Variants in DSCAML1 observed in about 807,000 individuals in gnomAD.
DSCAML1 encodes the protein DS cell adhesion molecule like 1.
In DSCAML1, 38 loss-of-function variants were observed where a neutral mutation model predicts 200.5. The observed-to-expected ratio is 0.19, with a 90% CI of 0.15 to 0.25. The LOEUF (loss-of-function observed/expected upper bound fraction) is 0.25. Among genes scored for constraint, DSCAML1 ranks in the 10% least tolerant of loss-of-function variants. The pLI, the probability that DSCAML1 is intolerant of heterozygous loss-of-function variation, is 1.00. For missense variants in DSCAML1, 2,223 were observed against 2,858.8 expected, an observed-to-expected ratio of 0.78 and a Z score of 5.07; for synonymous variants, 1,215 against 1,165.0, an observed-to-expected ratio of 1.04 and a Z score of -0.87.
At chr11:117,813,983 C>G (rs2055781619) in intron 1 of DSCAML1, among the ~76,000 whole-genome samples, 1 of 152,212 alleles carries the variant, frequency 6.6e-6, no homozygotes, top group Admixed American at 6.5e-5. Context: ...ACTGAAGAAT[C>G]ACAAAAGAAG....
chr11:117,615,604 C>T (rs539429154), intron 3 of DSCAML1, among the ~76,000 whole-genome samples: 8 of 152,150 alleles, frequency 5.3e-5, no homozygotes, highest in Admixed American at 2.6e-4. Context: ...TGGTGGTCGC[C>T]AGCTGTTCCT....
At chr11:117,796,935 C>A in intron 1 of DSCAML1, 99 bp downstream of exon 1, 1 of 936,446 alleles carries the variant, frequency 1.1e-6, no homozygotes, top group African/African-American at 1.8e-5. Context: ...CGGTCGGTTC[C>A]CCCACGCACC....
intron 5 of DSCAML1, among the ~76,000 whole-genome samples, chr11:117,524,436 C>T (rs527250704): frequency 1.8e-4 from 27 of 152,344 alleles, no homozygotes; most frequent in Admixed American, 1.4e-3. Context: ...CCTACAAGCC[C>T]GGAAGCCCTG....
chr11:117,561,976 A>T, intron 3 of DSCAML1, among the ~76,000 whole-genome samples: 1 of 152,242 alleles, frequency 6.6e-6, no homozygotes, highest in South Asian at 2.1e-4. Context: ...ATGAGCATAG[A>T]AGTCCAGGAG....
chr11:117,506,436 A>G (rs908860103), intron 8 of DSCAML1, among the ~76,000 whole-genome samples: 4 of 151,920 alleles, frequency 2.6e-5, no homozygotes, highest in African/African-American at 7.3e-5. Context: ...AGATATGACC[A>G]TGGGATTTGA....
intron 3 of DSCAML1, among the ~76,000 whole-genome samples, chr11:117,630,190 G>A (rs954459337): frequency 1.3e-5 from 2 of 150,160 alleles, no homozygotes; most frequent in African/African-American, 4.9e-5. Context: ...CCATTCCAGT[G>A]CCCCTTCTTC....
chr11:117,500,048 CT>C (rs2049367197), intron 11 of DSCAML1, among the ~76,000 whole-genome samples: 1 of 152,250 alleles, frequency 6.6e-6, no homozygotes, highest in African/African-American at 2.4e-5. Context: ...GCCAGACACC[CT>C]GAGTTTCCTC....
In DSCAML1 at chr11:117,428,244, AT is replaced by A; in HGVS notation, c.*83del. 1 of 814,372 alleles carries A rather than the reference AT, an allele frequency of 1.2e-6. No individual in the cohort carries two copies. Among genetic ancestry groups the A allele is most frequent in the Non-Finnish European group, 2.0e-6 (1 of 488,406 alleles). The allele number at this position is 814,372 out of a possible 1,614,324, so 50.4% of individuals were successfully genotyped here. Reference sequence around the variant, plus strand: ...GTTGGTTTTTGTCTGTCAGTTGAATATAAATAATGCAGAAAAACAGCCGAGC... The same window carrying A: ...GTTGGTTTTTGTCTGTCAGTTGAATAAAATAATGCAGAAAAACAGCCGAGC... On this transcript the variant is annotated 3_prime_UTR_variant, in exon 33 of 33. Transcript: ENST00000651296.
At position 117,521,058 on chromosome 11, in the gene DSCAML1, A is replaced by C. The variant is rs565865047; in HGVS notation, c.1213+72T>G. ...TTTAATGCCTCCTGGCATTGCTCCC[A>C]CCTCAGCAGAAGGGAGGGAATGAGC... is the stretch of plus-strand genomic sequence containing the variant. On this transcript the variant is annotated intron_variant, in intron 6 of 32. Transcript: ENST00000651296. The C allele has an allele frequency of 5.8e-6, 9 of 1,564,712 alleles. No individual in the cohort carries two copies. The African/African-American group carries it at 1.2e-4, about 21-fold the overall frequency.
At position 117,518,597 on chromosome 11, in the gene DSCAML1, G is replaced by A. The variant is rs1393208731; in HGVS notation, c.1379C>T (p.Thr460Ile). ...RDGSHRTNQY[T>I]MSDGTTISHM... ...GCTGATGGTGGTGCCGTCCGACATG[G>A]TGTACTGGTTGGTGCGGTGGCTGCC... is the stretch of plus-strand genomic sequence containing the variant. The change falls in exon 7 of 33, where the codon ACC (threonine) becomes ATC (isoleucine). Residue 460 changes from threonine (T) to isoleucine (I), a missense_variant. This residue lies in a region of DSCAML1 where 579 missense variants were observed against 721.5 expected (regional missense o/e 0.80). Coordinates refer to ENST00000651296, the MANE Select transcript of DSCAML1 (RefSeq NM_020693.4). The surrounding 1 kb of genome is among the most constrained non-coding windows in gnomAD (Gnocchi z 6.3). 6.2e-7 allele frequency: 1 copy of A among 1,614,014 alleles called. No individual in the cohort carries two copies. Among genetic ancestry groups the A allele is most frequent in the Admixed American group, 1.7e-5 (1 of 60,024 alleles).
chr11:117,701,266 AAAATAAATAAAT>A (rs60286619), intron 3 of DSCAML1, among the ~76,000 whole-genome samples: 194 of 150,952 alleles, frequency 1.3e-3, no homozygotes, highest in African/African-American at 4.5e-3. Context: ...ACTCCATCTC[AAAATAAATAAAT>A]AAATAAATAA....
chr11:117,760,418 C>A (rs1323000123), intron 3 of DSCAML1, among the ~76,000 whole-genome samples: 3 of 152,180 alleles, frequency 2.0e-5, no homozygotes, highest in African/African-American at 7.2e-5. Context: ...ATGTATGCAT[C>A]CAGAAACAAT....
At position 117,450,630 on chromosome 11, in the gene DSCAML1, C is replaced by T; in HGVS notation, c.3627G>A (p.Val1209=). Residue 1209 remains valine, a synonymous_variant, in exon 20 of 33, where the codon GTG becomes GTA. Transcript: ENST00000651296. ...TGGGCTTGGTAGGGGGGAGCCAAGA[C>T]ACAACCACACTGCTAGCTGATGAAG... ...AVPSSASSVV[V]SWLPPTKPNG... The T allele has an allele frequency of 6.2e-7, 1 of 1,614,222 alleles. No homozygotes were observed. The highest frequency in any genetic ancestry group is 8.5e-7 in the Non-Finnish European group (1 of 1,180,034).
chr11:117,653,677 C>A (rs1007380877), intron 3 of DSCAML1, among the ~76,000 whole-genome samples: 15 of 152,094 alleles, frequency 9.9e-5, no homozygotes, highest in Non-Finnish European at 1.5e-5. Context: ...GTGGAATCAC[C>A]ATACGACCCA....
At chr11:117,497,659 G>C (rs577278858) in intron 11 of DSCAML1, among the ~76,000 whole-genome samples, 29 of 152,340 alleles carry the variant, frequency 1.9e-4, no homozygotes, top group Non-Finnish European at 1.8e-4. Flanking sequence ...AGGTGGGGGT[G>C]GGCACTGGGC....
chr11:117,505,777 C>A lies in DSCAML1; in HGVS notation c.1784-45G>T. 1 of 1,571,582 alleles carries A rather than the reference C, an allele frequency of 6.4e-7. No individual in the cohort carries two copies. Among genetic ancestry groups the A allele is most frequent in the South Asian group, 1.1e-5 (1 of 87,046 alleles). ...CTGCCGTCAGGACCCTGTGCATTCT[C>A]ACCTGGCCGCCAACGCCGCCTCACC... is the stretch of plus-strand genomic sequence containing the variant. On this transcript the variant is annotated intron_variant, in intron 8 of 32. Transcript: ENST00000651296. This position sits in a 1 kb window ranked among gnomAD's most constrained non-coding sequence, Gnocchi z 6.7.
chr11:117,816,776 AAGAG>A (rs540594742), intron 1 of DSCAML1, among the ~76,000 whole-genome samples: 2 of 142,872 alleles, frequency 1.4e-5, no homozygotes, highest in Admixed American at 7.5e-5. Context: ...CTCCCTGTAC[AAGAG>A]AGAGAGTTCG....
chr11:117,646,325 G>A (rs556277333), intron 3 of DSCAML1, among the ~76,000 whole-genome samples: 19 of 152,126 alleles, frequency 1.2e-4, no homozygotes, highest in African/African-American at 4.6e-4. Context: ...TTTCTGTCAA[G>A]CTCTCGAGAT....
intron 3 of DSCAML1, among the ~76,000 whole-genome samples, chr11:117,645,004 G>T (rs1293513456): frequency 6.6e-6 from 1 of 152,258 alleles, no homozygotes; most frequent in Non-Finnish European, 1.5e-5. Flanking sequence ...GGAACCCCCG[G>T]TGTGGGGCCC....
Sources: allele counts gnomAD v4.1 joint callset (sites outside exome capture counted in the v4.1 genomes callset), GRCh38; gene constraint gnomAD v4.1.1; regional missense constraint gnomAD v4.1.1; non-coding constraint Gnocchi (gnomAD v3.1); transcripts MANE v1.5; gene names NCBI Gene and HGNC (gene_info 2026-07-23, HGNC 2026-07-21).